The following CCDC112 variants were observed in gnomAD, a reference collection of about 807,000 sequenced individuals.
CCDC112 encodes coiled-coil domain-containing protein 112.
Under a neutral mutation model 66.3 loss-of-function variants are expected in CCDC112, and 40 were observed. The observed-to-expected ratio is 0.60, with a 90% CI of 0.47 to 0.79. The LOEUF (loss-of-function observed/expected upper bound fraction) is 0.79, where lower values mean the gene tolerates loss of function less well. CCDC112 is among the 30% of genes least tolerant of loss of function. The probability of loss-of-function intolerance (pLI) is 0.00; values close to 1 mark genes in which losing one functional copy is unlikely to be tolerated. For synonymous variants in CCDC112, 214 were observed against 197.2 expected (o/e 1.09, Z -0.71); for missense variants, 659 against 603.8 (o/e 1.09, Z -0.96).
At position 115,275,203 on chromosome 5, in the gene CCDC112, T is replaced by C; in HGVS notation, c.918+13A>G. 2 of 1,572,898 alleles carry C rather than the reference T, an allele frequency of 1.3e-6. No homozygotes were observed. Among genetic ancestry groups the C allele is most frequent in the Non-Finnish European group, 1.7e-6 (2 of 1,153,562 alleles). On this transcript the variant is annotated intron_variant, in intron 6 of 9. Transcript: ENST00000379611. ...AGAAACACAGAATGAATAATAGCTA[T>C]TATAATTATTACCTCTTTTTTTCTT... is the stretch of plus-strand genomic sequence containing the variant.
rs561667026 is a variant in CCDC112, at chr5:115,288,738, C to T, written c.118-3830G>A. On this transcript the variant is annotated intron_variant, in intron 1 of 9. Transcript: ENST00000379611. ...TGCTGACACCCAAGACAGTCAAAGC[C>T]TCCCATAATTGAATATTCCACACTA... Among the ~76,000 whole-genome samples, 64 of 152,246 alleles carry T rather than the reference C, an allele frequency of 4.2e-4. 1 individual carries two copies. The Middle Eastern group carries it at 0.01, about 24-fold the overall frequency.
intron 2 of CCDC112, among the ~76,000 whole-genome samples, chr5:115,283,171 G>A (rs974203462): frequency 1.3e-5 from 2 of 152,010 alleles, no homozygotes; most frequent in Non-Finnish European, 2.9e-5. Context: ...GCAACTTCAA[G>A]CATACAATAC....
intron 1 of CCDC112, among the ~76,000 whole-genome samples, chr5:115,287,152 T>C (rs1021316400): frequency 6.6e-6 from 1 of 152,214 alleles, no homozygotes; most frequent in African/African-American, 2.4e-5. Context: ...ACCAGCAATG[T>C]ATAGGGGTTT....
intron 2 of CCDC112, 73 bp from the exon 3 acceptor site, chr5:115,279,841 CAAT>C (rs930794575): frequency 1.2e-6 from 1 of 802,666 alleles, no homozygotes; most frequent in Admixed American, 2.9e-5. Context: ...TGAAGACACT[CAAT>C]AATCCGTATT....
chr5:115,269,296 C>A (rs1748902406), intron 8 of CCDC112, among the ~76,000 whole-genome samples: 1 of 152,050 alleles, frequency 6.6e-6, no homozygotes, highest in Non-Finnish European at 1.5e-5. Context: ...AGTGATATAG[C>A]CAGACAACAA....
chr5:115,278,120 G>T (rs78790688), intron 3 of CCDC112, among the ~76,000 whole-genome samples: 2 of 152,034 alleles, frequency 1.3e-5, no homozygotes, highest in Non-Finnish European at 2.9e-5. Flanking sequence ...ACTTTGTAGG[G>T]TCTTACTGTT....
At chr5:115,293,567 A>G (rs1750024996) in intron 1 of CCDC112, among the ~76,000 whole-genome samples, 1 of 152,112 alleles carries the variant, frequency 6.6e-6, no homozygotes, top group South Asian at 2.1e-4. Flanking sequence ...AACCACCTTA[A>G]TTCCTTGGCT....
intron 2 of CCDC112, among the ~76,000 whole-genome samples, chr5:115,284,464 C>T (rs1333764056): frequency 1.3e-5 from 2 of 152,012 alleles, no homozygotes; most frequent in East Asian, 3.8e-4. Context: ...ATTTACCAGG[C>T]ATTTAGTTAT....
chr5:115,296,511 A>T lies in CCDC112; in HGVS notation c.33T>A (p.Ala11=). Residue 11 remains alanine (A), a synonymous_variant, in exon 1 of 10, where the codon GCT becomes GCA. Coordinates refer to ENST00000379611, the MANE Select transcript of CCDC112 (RefSeq NM_001040440.3). MAALTTVVVA[A]AATAVAGAVA... ...CAGCCCCGGCTACCGCGGTGGCCGC[A>T]GCCGCTACCACAACCGTCGTCAGTG... 1 of 1,544,954 alleles carries T rather than the reference A, an allele frequency of 6.5e-7. No individual in the cohort carries two copies.
intron 1 of CCDC112, among the ~76,000 whole-genome samples, chr5:115,285,757 A>G (rs540936060): frequency 6.6e-6 from 1 of 152,096 alleles, no homozygotes; most frequent in East Asian, 1.9e-4. Context: ...TTTTTTGGAG[A>G]GGAAATTGAT....
rs544585029 is a variant in CCDC112, at chr5:115,267,244, A to G, written c.*632T>C. 6.6e-6 allele frequency: 1 copy of G among 152,256 alleles called. No individual in the cohort carries two copies. Among genetic ancestry groups the G allele is most frequent in the East Asian group, 1.9e-4 (1 of 5,204 alleles). 9.4% of individuals were successfully genotyped at this position (152,256 alleles called of 1,614,324 possible). ...GTGAAATCCAGAAAGGCTGAAGGAA[A>G]ATTTGGAATTGCTGAAGGAAACCAA... On this transcript the variant is annotated 3_prime_UTR_variant, in exon 10 of 10. Coordinates refer to ENST00000379611, the MANE Select transcript of CCDC112 (RefSeq NM_001040440.3).
At chr5:115,289,646 T>C (rs894876802) in intron 1 of CCDC112, among the ~76,000 whole-genome samples, 2 of 152,230 alleles carry the variant, frequency 1.3e-5, no homozygotes, top group Non-Finnish European at 2.9e-5. Context: ...GTATTTTAGA[T>C]GTAAGACCCT....
At chr5:115,271,786 T>C (rs1186572945) in intron 6 of CCDC112, among the ~76,000 whole-genome samples, 160 bp from the exon 7 acceptor site, 1 of 152,178 alleles carries the variant, frequency 6.6e-6, no homozygotes, top group African/African-American at 2.4e-5. Context: ...GCAATTTTTT[T>C]CTACTTCTGT....
In CCDC112 at chr5:115,286,531, T is replaced by C. The variant is rs2127069867; in HGVS notation, c.118-1623A>G. 2.0e-5 allele frequency among the ~76,000 whole-genome samples: 3 copies of C among 152,334 alleles called. No individual in the cohort carries two copies. In the South Asian group the frequency reaches 6.2e-4, roughly 32 times the overall value. ...GTGTACATGTTTTAATGTGAATGCA[T>C]GTTTTCAATTCTCTTCATTATATAC... On this transcript the variant is annotated intron_variant, in intron 1 of 9. Transcript: ENST00000379611.
chr5:115,270,257 A>G (rs1748942197), intron 7 of CCDC112, among the ~76,000 whole-genome samples: 1 of 152,140 alleles, frequency 6.6e-6, no homozygotes, highest in East Asian at 1.9e-4. Flanking sequence ...AATTTTCAGT[A>G]TTAATGTGCT....
At chr5:115,289,674 C>A (rs1749839076) in intron 1 of CCDC112, among the ~76,000 whole-genome samples, 1 of 152,118 alleles carries the variant, frequency 6.6e-6, no homozygotes, top group Admixed American at 6.5e-5. Flanking sequence ...ATATAATTTG[C>A]AAGTATTTTC....
intron 2 of CCDC112, chr5:115,280,558 CCTT>C (rs1388624291): frequency 6.6e-6 from 1 of 151,978 alleles, no homozygotes; most frequent in Non-Finnish European, 1.5e-5. Flanking sequence ...TCTCAAATTA[CCTT>C]TTTTTTTTTG....
In CCDC112 at chr5:115,276,037, T is replaced by C. The variant is rs1176460258; in HGVS notation, c.484A>G (p.Ile162Val). ...VEKLREMMEE[I>V]ENAINTFKEE... ...TTAAAAGTGTTAATTGCATTTTCAA[T>C]TTCTTCCATCATTTCTCTGAGCTTC... The change falls in exon 5 of 10, where the codon ATT (isoleucine) becomes GTT (valine). Residue 162 changes from isoleucine to valine, a missense_variant. Physicochemically the swap from Ile to Val is conservative, Grantham distance 29 (BLOSUM62 3). Coordinates refer to ENST00000379611, the MANE Select transcript of CCDC112 (RefSeq NM_001040440.3). 3 of 1,607,978 alleles carry C rather than the reference T, an allele frequency of 1.9e-6. No homozygotes were observed. Among genetic ancestry groups the C allele is most frequent in the Non-Finnish European group, 2.5e-6 (3 of 1,177,260 alleles).
chr5:115,277,001 GAA>G lies in CCDC112; in HGVS notation c.413_414del (p.Leu138ProfsTer12). The G allele has an allele frequency of 6.2e-7, 1 of 1,610,166 alleles. No individual in the cohort carries two copies. Among genetic ancestry groups the G allele is most frequent in the Non-Finnish European group, 8.5e-7 (1 of 1,177,482 alleles). On this transcript the variant is annotated frameshift_variant, in exon 4 of 10. Coordinates refer to ENST00000379611, the MANE Select transcript of CCDC112 (RefSeq NM_001040440.3). LOFTEE classifies it high-confidence loss of function. ...LAKIHNNVKK[L>X]QHQLKDVKPT... ...GGCTTCACATCTTTTAATTGATGCT[GAA>G]GTTTCTTTACATTATTATGTATTTT... is the stretch of plus-strand genomic sequence containing the variant.
Sources: gnomAD v4.1 joint callset for allele counts (sites outside exome capture counted in the v4.1 genomes callset) on GRCh38, gnomAD v4.1.1 for gene constraint, MANE v1.5 for transcripts, NCBI Gene and HGNC (gene_info 2026-07-23, HGNC 2026-07-21) for gene names.